Variants in PLXDC2 observed in about 807,000 individuals in gnomAD.
The protein encoded by PLXDC2 is plexin domain-containing protein 2.
A neutral mutation model predicts 68.9 loss-of-function variants in PLXDC2; 40 were observed. The ratio of observed to expected loss-of-function variants is 0.58; its 90% confidence interval spans 0.45 to 0.76. The LOEUF (loss-of-function observed/expected upper bound fraction) is 0.76. PLXDC2 is among the 30% of genes least tolerant of loss of function. The probability of loss-of-function intolerance (pLI) is 0.00; values close to 1 mark genes in which losing one functional copy is unlikely to be tolerated. For synonymous variants in PLXDC2, 243 were observed against 234.2 expected (o/e 1.04, Z -0.34); for missense variants, 644 against 661.9 (o/e 0.97, Z 0.30).
intron 13 of PLXDC2, among the ~76,000 whole-genome samples, chr10:20,271,132 G>GACACACACACATAC (rs372504677): frequency 0.13 from 12,534 of 97,668 alleles, 576 homozygotes; most frequent in Admixed American, 0.16. Flanking sequence ...ACAAAAAACA[G>GACACACACACATAC]ACACACACAC....
chr10:19,913,478 C>T (rs979655744), intron 1 of PLXDC2, among the ~76,000 whole-genome samples: 3 of 152,146 alleles, frequency 2.0e-5, no homozygotes, highest in African/African-American at 7.2e-5. Context: ...GACTAATACC[C>T]TCAGTTTTAT....
At chr10:20,266,819 G>A (rs1231114831) in intron 13 of PLXDC2, among the ~76,000 whole-genome samples, 1 of 152,116 alleles carries the variant, frequency 6.6e-6, no homozygotes, top group Non-Finnish European at 1.5e-5. Flanking sequence ...AACATTATCT[G>A]TCTCATTTCA....
chr10:20,244,629 C>T (rs1235385676), intron 12 of PLXDC2, among the ~76,000 whole-genome samples: 6 of 152,078 alleles, frequency 3.9e-5, no homozygotes, highest in East Asian at 3.9e-4. Context: ...AAAAGATGTC[C>T]GATACTCTTT....
intron 9 of PLXDC2, among the ~76,000 whole-genome samples, chr10:20,207,635 C>T (rs916594101): frequency 1.3e-5 from 2 of 152,126 alleles, no homozygotes; most frequent in African/African-American, 4.8e-5. Flanking sequence ...AATGTTTAAA[C>T]AAACTCAAAA....
At position 19,935,384 on chromosome 10, in the gene PLXDC2, A is replaced by G. The variant is rs529597168; in HGVS notation, c.113-66391A>G. On this transcript the variant is annotated intron_variant, in intron 1 of 13. Coordinates refer to ENST00000377252, the MANE Select transcript of PLXDC2 (RefSeq NM_032812.9). The stretch of plus-strand genomic sequence containing the variant: ...AATCTGCACTCTGGAAATTTGCCAT[A>G]CTGCAACCTGGCCCATGGAAGAACC... Among the ~76,000 whole-genome samples the G allele has an allele frequency of 2.0e-5, 3 of 152,302 alleles. No homozygotes were observed. In the South Asian group the frequency reaches 6.2e-4, roughly 32 times the overall value.
At chr10:20,053,822 G>T (rs965829985) in intron 3 of PLXDC2, among the ~76,000 whole-genome samples, 1 of 151,954 alleles carries the variant, frequency 6.6e-6, no homozygotes, top group Non-Finnish European at 1.5e-5. Context: ...CCTCAATTTT[G>T]TAACCTGGAA....
chr10:19,868,893 G>T (rs919161497), intron 1 of PLXDC2, among the ~76,000 whole-genome samples: 17 of 152,116 alleles, frequency 1.1e-4, no homozygotes, highest in African/African-American at 3.9e-4. Context: ...CAAACCTTAA[G>T]TTAAAATATG....
Position 20,023,523 on chromosome 10 carries a change from G to C in PLXDC2, c.324+21537G>C, listed in dbSNP as rs567368214. Among the ~76,000 whole-genome samples, 7 of 152,250 alleles carry C rather than the reference G, an allele frequency of 4.6e-5. No individual in the cohort carries two copies. In the East Asian group the frequency reaches 7.7e-4, roughly 17 times the overall value. ...ATTGATGGAGGGGTTTCTGATAAAA[G>C]GATGAGTTCAGCTCCTTTCTCTTGC... On this transcript the variant is annotated intron_variant, in intron 2 of 13. Coordinates refer to ENST00000377252, the MANE Select transcript of PLXDC2 (RefSeq NM_032812.9).
intron 3 of PLXDC2, 46 bp downstream of exon 3, chr10:20,047,061 A>G (rs1835810405): frequency 6.6e-7 from 1 of 1,523,356 alleles, no homozygotes; most frequent in Non-Finnish European, 8.8e-7. Flanking sequence ...CTGTGAAAAA[A>G]TAATTGCTTT....
intron 1 of PLXDC2, among the ~76,000 whole-genome samples, chr10:19,852,506 G>A (rs1013980861): frequency 2.1e-5 from 3 of 139,860 alleles, no homozygotes; most frequent in Non-Finnish European, 4.6e-5. Context: ...CTTGAGGATT[G>A]TTCTAAGTTC....
chr10:20,051,395 A>AATATATATATATATAT (rs57093355), intron 3 of PLXDC2, among the ~76,000 whole-genome samples: 3 of 118,490 alleles, frequency 2.5e-5, no homozygotes, highest in African/African-American at 6.0e-5. Context: ...ATAAAGGTTA[A>AATATATATATATATAT]ATATATATAT....
intron 3 of PLXDC2, among the ~76,000 whole-genome samples, chr10:20,048,871 T>C (rs1240806445): frequency 6.6e-6 from 1 of 152,096 alleles, no homozygotes; most frequent in Non-Finnish European, 1.5e-5. Context: ...AAAATGATAA[T>C]ACTGTAGACA....
Position 20,103,054 on chromosome 10 carries a change from G to T in PLXDC2, c.541+34815G>T, listed in dbSNP as rs371832372. Among the ~76,000 whole-genome samples the T allele has an allele frequency of 3.8e-4, 58 of 152,268 alleles. 2 individuals carry two copies. In the South Asian group the frequency reaches 0.012, roughly 31 times the overall value. On this transcript the variant is annotated intron_variant, in intron 4 of 13. Transcript: ENST00000377252. Reference sequence around the variant, plus strand: ...ACATTTGCTAACAGGTGTCAAGAAGGCGATAACTATGTGGAGTACCTCTGA... The same window carrying T: ...ACATTTGCTAACAGGTGTCAAGAAGTCGATAACTATGTGGAGTACCTCTGA...
chr10:19,831,594 G>A (rs1009736122), intron 1 of PLXDC2, among the ~76,000 whole-genome samples: 13 of 151,938 alleles, frequency 8.6e-5, no homozygotes, highest in Admixed American at 5.9e-4. Flanking sequence ...CCCACTCTCC[G>A]CCCTCAGATA....
At chr10:19,834,447 C>G (rs1276302837) in intron 1 of PLXDC2, among the ~76,000 whole-genome samples, 1 of 152,064 alleles carries the variant, frequency 6.6e-6, no homozygotes, top group African/African-American at 2.4e-5. Flanking sequence ...GAAAACTGCT[C>G]AAGAAAGAGG....
At chr10:20,261,581 G>A (rs376036410) in intron 13 of PLXDC2, among the ~76,000 whole-genome samples, 1 of 152,140 alleles carries the variant, frequency 6.6e-6, no homozygotes, top group East Asian at 1.9e-4. Context: ...TCTGCCGGGG[G>A]TAGTGGCTCA....
At chr10:19,837,625 T>C (rs1440737704) in intron 1 of PLXDC2, among the ~76,000 whole-genome samples, 2 of 152,176 alleles carry the variant, frequency 1.3e-5, no homozygotes, top group Non-Finnish European at 2.9e-5. Flanking sequence ...TTGTAATGAG[T>C]TGCAAACACA....
At chr10:19,955,584 C>G (rs1055785186) in intron 1 of PLXDC2, among the ~76,000 whole-genome samples, 1 of 152,000 alleles carries the variant, frequency 6.6e-6, no homozygotes, top group Non-Finnish European at 1.5e-5. Flanking sequence ...TAATACAGCA[C>G]TTTTAATATA....
At chr10:19,918,401 A>C (rs1212272591) in intron 1 of PLXDC2, among the ~76,000 whole-genome samples, 2 of 152,184 alleles carry the variant, frequency 1.3e-5, no homozygotes, top group Non-Finnish European at 2.9e-5. Flanking sequence ...GGTAGAGTTC[A>C]AAGTCAGTCC....
Sources: gnomAD v4.1 joint callset for allele counts (sites outside exome capture counted in the v4.1 genomes callset) on GRCh38, gnomAD v4.1.1 for gene constraint, MANE v1.5 for transcripts, NCBI Gene and HGNC (gene_info 2026-07-23, HGNC 2026-07-21) for gene names.